Variants in C8orf34 observed in about 807,000 individuals in gnomAD.
The protein encoded by C8orf34 is chromosome 8 open reading frame 34, also known as uncharacterized protein C8orf34.
In C8orf34, 65 loss-of-function variants were observed where a neutral mutation model predicts 68.3. That is an observed-to-expected ratio of 0.95 (90% CI 0.78 to 1.17). The LOEUF is 1.17. Ranked by LOEUF, C8orf34 falls within the 50% of genes most tolerant of loss-of-function variation. The pLI is 0.00. For synonymous variants in C8orf34, 244 were observed against 241.2 expected (o/e 1.01, Z -0.11); for missense variants, 664 against 655.4 (o/e 1.01, Z -0.14).
chr8:68,742,072 T>C (rs919659126), intron 10 of C8orf34, among the ~76,000 whole-genome samples: 1 of 152,158 alleles, frequency 6.6e-6, no homozygotes. Flanking sequence ...TTTATTCTTC[T>C]TCTGGACTTG....
chr8:68,466,550 C>T (rs920031641), intron 3 of C8orf34, among the ~76,000 whole-genome samples: 1 of 151,386 alleles, frequency 6.6e-6, no homozygotes, highest in Non-Finnish European at 1.5e-5. Flanking sequence ...ATGGAAGTAT[C>T]TTTATGGTAA....
intron 7 of C8orf34, among the ~76,000 whole-genome samples, chr8:68,619,207 T>TC (rs1424191887): frequency 1.3e-5 from 2 of 152,138 alleles, no homozygotes; most frequent in Admixed American, 6.6e-5. Context: ...GTGCCTATAG[T>TC]CCCAGCTACT....
chr8:68,466,751 A>ATGTG (rs1220378300), intron 3 of C8orf34, among the ~76,000 whole-genome samples: 1 of 44,816 alleles, frequency 2.2e-5, no homozygotes, highest in African/African-American at 5.8e-5. Context: ...ATATATATAT[A>ATGTG]TATATATATA....
At chr8:68,538,027 A>T (rs558950665) in intron 7 of C8orf34, among the ~76,000 whole-genome samples, 24 of 152,266 alleles carry the variant, frequency 1.6e-4, no homozygotes, top group South Asian at 4.1e-4. Flanking sequence ...AAACCCATAA[A>T]CAAATTATTG....
intron 1 of C8orf34, among the ~76,000 whole-genome samples, chr8:68,345,165 C>G (rs534324983): frequency 1.3e-5 from 2 of 151,778 alleles, no homozygotes; most frequent in African/African-American, 4.8e-5. Flanking sequence ...TTTGCGTAAT[C>G]TGTATAAAAG....
intron 5 of C8orf34, 103 bp from the exon 6 acceptor site, chr8:68,521,696 C>CA: frequency 9.9e-7 from 1 of 1,009,492 alleles, no homozygotes; most frequent in East Asian, 2.6e-5. Context: ...TTCAGAAAGA[C>CA]AAAAAGCATT....
chr8:68,733,136 T>C (rs572163151), intron 10 of C8orf34, among the ~76,000 whole-genome samples: 12,491 of 152,270 alleles, frequency 0.082, 545 homozygotes, highest in Middle Eastern at 0.17. Flanking sequence ...TAATTTGAAC[T>C]TTTTCTTTTC....
intron 7 of C8orf34, among the ~76,000 whole-genome samples, chr8:68,613,366 A>G (rs924666674): frequency 1.6e-4 from 25 of 152,174 alleles, no homozygotes; most frequent in African/African-American, 5.3e-4. Context: ...ATATGTATAC[A>G]TGTGCCATGC....
chr8:68,430,642 A>G (rs1810415741), intron 1 of C8orf34, among the ~76,000 whole-genome samples: 1 of 152,172 alleles, frequency 6.6e-6, no homozygotes, highest in Admixed American at 6.6e-5. Context: ...TGCAAAGCAA[A>G]AAACGTGACC....
chr8:68,336,095 GA>G (rs57494049), intron 1 of C8orf34, among the ~76,000 whole-genome samples: 2 of 150,944 alleles, frequency 1.3e-5, no homozygotes, highest in African/African-American at 4.9e-5. Context: ...ACAAAAAAAA[GA>G]AAAAAAATAG....
intron 10 of C8orf34, among the ~76,000 whole-genome samples, chr8:68,746,084 C>G (rs1439223504): frequency 6.6e-6 from 1 of 152,204 alleles, no homozygotes; most frequent in East Asian, 1.9e-4. Flanking sequence ...AAGAATCTCA[C>G]TCAAAACCAC....
chr8:68,411,470 G>A (rs1809439970), intron 1 of C8orf34, among the ~76,000 whole-genome samples: 1 of 152,170 alleles, frequency 6.6e-6, no homozygotes, highest in Non-Finnish European at 1.5e-5. Flanking sequence ...ACTAGCTGCA[G>A]TGAACTCAAT....
chr8:68,419,989 AAAAAG>A (rs1455078458), intron 1 of C8orf34, among the ~76,000 whole-genome samples: 44 of 151,586 alleles, frequency 2.9e-4, no homozygotes, highest in Middle Eastern at 3.4e-3. Context: ...AATAAAAAAA[AAAAAG>A]AAAAAAGACA....
intron 7 of C8orf34, among the ~76,000 whole-genome samples, chr8:68,630,296 T>C (rs1300223733): frequency 6.6e-6 from 1 of 152,104 alleles, no homozygotes; most frequent in African/African-American, 2.4e-5. Context: ...TCCATAATAT[T>C]ATCATTTCAA....
chr8:68,744,423 AT>A (rs1822411545), intron 10 of C8orf34, among the ~76,000 whole-genome samples: 1 of 152,200 alleles, frequency 6.6e-6, no homozygotes, highest in Non-Finnish European at 1.5e-5. Context: ...GCTTCAGATG[AT>A]CAAATTACTC....
chr8:68,642,117 G>A (rs948579530), intron 8 of C8orf34, among the ~76,000 whole-genome samples: 1 of 152,162 alleles, frequency 6.6e-6, no homozygotes. Flanking sequence ...TGAAACTCAG[G>A]CAGCATAGGT....
chr8:68,550,046 ACT>A (rs377547994), intron 7 of C8orf34, among the ~76,000 whole-genome samples: 56 of 151,608 alleles, frequency 3.7e-4, no homozygotes, highest in African/African-American at 1.3e-3. Context: ...ACTTTGGCAA[ACT>A]CTTTTAATAA....
intron 1 of C8orf34, among the ~76,000 whole-genome samples, chr8:68,408,813 G>C (rs1230942677): frequency 6.6e-6 from 1 of 151,816 alleles, no homozygotes; most frequent in African/African-American, 2.4e-5. Flanking sequence ...TTTTGAGACG[G>C]AGTCTTGCTC....
At position 68,517,650 on chromosome 8, in the gene C8orf34, C is replaced by T. The variant is rs548427406; in HGVS notation, c.766-4149C>T. 9.2e-5 allele frequency among the ~76,000 whole-genome samples: 14 copies of T among 152,326 alleles called. No individual in the cohort carries two copies. In the East Asian group the frequency reaches 2.7e-3, roughly 29 times the overall value. ...CCATTGCATTTGATTTCCTAGTAAG[C>T]AACCAGGGAGTTAGTTCTGATTCTC... On this transcript the variant is annotated intron_variant, in intron 5 of 13. Transcript: ENST00000518698.
Sources: gnomAD v4.1 joint callset for allele counts (sites outside exome capture counted in the v4.1 genomes callset) on GRCh38, gnomAD v4.1.1 for gene constraint, MANE v1.5 for transcripts, NCBI Gene and HGNC (gene_info 2026-07-23, HGNC 2026-07-21) for gene names.